Variants in MRPS6 observed in about 807,000 individuals in gnomAD.
The protein encoded by MRPS6 is mitochondrial ribosomal protein S6.
Under a neutral mutation model 13.1 loss-of-function variants are expected in MRPS6, and 6 were observed. The ratio of observed to expected loss-of-function variants is 0.46; its 90% confidence interval spans 0.25 to 0.91. The LOEUF (loss-of-function observed/expected upper bound fraction) is 0.91. MRPS6 is among the 40% of genes least tolerant of loss of function. The pLI is 0.18. For synonymous variants in MRPS6, 61 were observed against 56.5 expected (o/e 1.08, Z -0.36); for missense variants, 164 against 155.6 (o/e 1.05, Z -0.29).
At chr21:34,085,814 G>T (rs1247648828) in intron 1 of MRPS6, among the ~76,000 whole-genome samples, 2 of 152,130 alleles carry the variant, frequency 1.3e-5, no homozygotes, top group South Asian at 2.1e-4. Flanking sequence ...GTGTTAGCTA[G>T]GGTGGTCTTG....
chr21:34,134,323 C>A (rs1980610152), intron 2 of MRPS6, among the ~76,000 whole-genome samples: 1 of 152,126 alleles, frequency 6.6e-6, no homozygotes, highest in South Asian at 2.1e-4. Flanking sequence ...CAAGTCACTG[C>A]TTCAAGAAGT....
chr21:34,120,603 T>C (rs1666310858), intron 1 of MRPS6, among the ~76,000 whole-genome samples: 1 of 152,350 alleles, frequency 6.6e-6, no homozygotes, highest in South Asian at 2.1e-4. Flanking sequence ...TTACCTTTTT[T>C]ATAAGTATTA....
intron 2 of MRPS6, among the ~76,000 whole-genome samples, chr21:34,127,636 C>T (rs1051632996): frequency 3.9e-5 from 6 of 152,172 alleles, no homozygotes; most frequent in East Asian, 1.9e-4. Flanking sequence ...TGGAATTGGG[C>T]GATAACGTTT....
intron 1 of MRPS6, chr21:34,124,476 T>TG (rs1310152354): frequency 6.6e-6 from 1 of 151,622 alleles, no homozygotes; most frequent in Non-Finnish European, 1.5e-5. Flanking sequence ...CTCTGGGTAA[T>TG]GGGATTCTAT....
intron 2 of MRPS6, among the ~76,000 whole-genome samples, chr21:34,137,337 T>C (rs1294530688): frequency 6.6e-6 from 1 of 152,180 alleles, no homozygotes; most frequent in Non-Finnish European, 1.5e-5. Flanking sequence ...ATTTTGTTTC[T>C]TTCAGCAGCG....
In MRPS6 at chr21:34,125,360, T is replaced by G; in HGVS notation, c.65T>G (p.Leu22Trp). Residue 22 changes from leucine to tryptophan, a missense_variant, in exon 2 of 3, where the codon TTG becomes TGG. Coordinates refer to ENST00000399312, the MANE Select transcript of MRPS6 (RefSeq NM_032476.4). The stretch of plus-strand genomic sequence containing the variant: ...AAACAGCCAGAGACTGCTGCTACTT[T>G]GAAACGTACGATAGAGGCCCTGATG... ...AMQRPETAAT[L>W]KRTIEALMDR... 6.2e-7 allele frequency: 1 copy of G among 1,612,050 alleles called. No individual in the cohort carries two copies.
chr21:34,092,466 A>G (rs1978750058), intron 1 of MRPS6, among the ~76,000 whole-genome samples: 1 of 152,198 alleles, frequency 6.6e-6, no homozygotes, highest in Admixed American at 6.5e-5. Flanking sequence ...TTGAGAATTC[A>G]GCCTTGAGCT....
intron 1 of MRPS6, chr21:34,100,140 T>C (rs1024159050): frequency 4.0e-6 from 4 of 999,626 alleles, no homozygotes; most frequent in Non-Finnish European, 4.8e-6. Flanking sequence ...CTAGAATAGC[T>C]AAAAGTCAAA....
chr21:34,082,979 A>C (rs1332755167), intron 1 of MRPS6, among the ~76,000 whole-genome samples: 1 of 152,228 alleles, frequency 6.6e-6, no homozygotes, highest in Admixed American at 6.5e-5. Flanking sequence ...GTGAAAGCAC[A>C]GACTTAGCAA....
chr21:34,124,440 A>G (rs967449904), intron 1 of MRPS6: 2 of 152,152 alleles, frequency 1.3e-5, no homozygotes, highest in Admixed American at 6.5e-5. Context: ...AATTCACCAG[A>G]AAGTTTAATT....
chr21:34,089,836 G>A (rs879681264), intron 1 of MRPS6, among the ~76,000 whole-genome samples: 2 of 152,120 alleles, frequency 1.3e-5, no homozygotes, highest in Admixed American at 6.5e-5. Flanking sequence ...AAACTTGAGG[G>A]TGCAAGTTTA....
intron 1 of MRPS6, chr21:34,101,328 TA>T: frequency 1.0e-6 from 1 of 1,000,242 alleles, no homozygotes; most frequent in African/African-American, 1.7e-5. Context: ...TTCAGCTTTT[TA>T]AACCCTGGTT....
At chr21:34,113,192 T>A (rs914335973) in intron 1 of MRPS6, among the ~76,000 whole-genome samples, 1 of 152,102 alleles carries the variant, frequency 6.6e-6, no homozygotes, top group South Asian at 2.1e-4. Context: ...TCTCAAAATA[T>A]TAAAAATAGG....
At chr21:34,086,554 C>A (rs929125019) in intron 1 of MRPS6, among the ~76,000 whole-genome samples, 24 of 148,798 alleles carry the variant, frequency 1.6e-4, no homozygotes, top group Non-Finnish European at 1.3e-4. Context: ...TGTGTATCTT[C>A]CTGAAAGGTG....
chr21:34,141,725 C>T (rs997401071), intron 2 of MRPS6, among the ~76,000 whole-genome samples: 1 of 152,168 alleles, frequency 6.6e-6, no homozygotes, highest in Non-Finnish European at 1.5e-5. Flanking sequence ...TAGGGATGGG[C>T]TCTTTCCTTG....
intron 1 of MRPS6, among the ~76,000 whole-genome samples, chr21:34,108,096 G>A (rs577393520): frequency 5.3e-5 from 8 of 152,056 alleles, no homozygotes; most frequent in East Asian, 1.9e-4. Context: ...ATCTTGTAAC[G>A]TACCGTAACA....
chr21:34,095,862 C>T, intron 1 of MRPS6: 1 of 1,614,062 alleles, frequency 6.2e-7, no homozygotes, highest in Non-Finnish European at 8.5e-7. Context: ...GTTGGCCTCA[C>T]CCGATGTCAC....
chr21:34,120,961 A>T (rs1259538600), intron 1 of MRPS6, among the ~76,000 whole-genome samples: 1 of 152,174 alleles, frequency 6.6e-6, no homozygotes, highest in Admixed American at 6.5e-5. Context: ...GAAAGATAGG[A>T]GTAAGTAAGC....
At chr21:34,102,763 G>T (rs1453261117) in intron 1 of MRPS6, 2 of 999,956 alleles carry the variant, frequency 2.0e-6, no homozygotes, top group Non-Finnish European at 2.4e-6. Flanking sequence ...CAGTGGTTTT[G>T]CTCTATACCA....
Sources: gnomAD v4.1 joint callset for allele counts (sites outside exome capture counted in the v4.1 genomes callset) on GRCh38, gnomAD v4.1.1 for gene constraint, MANE v1.5 for transcripts, NCBI Gene and HGNC (gene_info 2026-07-23, HGNC 2026-07-21) for gene names.